The following THRB variants were observed in gnomAD, a reference collection of about 807,000 sequenced individuals.
THRB encodes the protein nuclear receptor subfamily 1 group A member 2.
THRB carries 12 observed loss-of-function variants against 47.8 expected under a neutral mutation model. That is an observed-to-expected ratio of 0.25 (90% CI 0.16 to 0.41). THRB has a LOEUF of 0.41. THRB is among the 10% of genes least tolerant of loss of function. The probability of loss-of-function intolerance (pLI) is 1.00; values close to 1 mark genes in which losing one functional copy is unlikely to be tolerated. For synonymous variants in THRB, 218 were observed against 212.2 expected (o/e 1.03, Z -0.24); for missense variants, 348 against 589.2 (o/e 0.59, Z 4.24).
intron 2 of THRB, among the ~76,000 whole-genome samples, chr3:24,328,839 T>C (rs1168287032): frequency 6.6e-6 from 1 of 152,228 alleles, no homozygotes; most frequent in East Asian, 1.9e-4. Flanking sequence ...TTGTTTACAA[T>C]TTTAAAATGG....
chr3:24,344,044 A>G (rs1204394533), intron 1 of THRB, among the ~76,000 whole-genome samples: 2 of 150,964 alleles, frequency 1.3e-5, no homozygotes, highest in Non-Finnish European at 3.0e-5. Flanking sequence ...TCATGAATCC[A>G]TTTAATGTTA....
intron 2 of THRB, among the ~76,000 whole-genome samples, chr3:24,320,934 T>A (rs80022202): frequency 6.6e-6 from 1 of 152,142 alleles, no homozygotes; most frequent in Non-Finnish European, 1.5e-5. Flanking sequence ...GCAAAGAAGA[T>A]GACAGAAAGA....
intron 1 of THRB, among the ~76,000 whole-genome samples, chr3:24,360,510 C>A (rs1458702907): frequency 4.6e-5 from 7 of 152,160 alleles, no homozygotes; most frequent in African/African-American, 1.7e-4. Flanking sequence ...AACATTCCTG[C>A]ACACTGGAAT....
At chr3:24,249,513 G>A (rs1358166465) in intron 3 of THRB, among the ~76,000 whole-genome samples, 1 of 152,004 alleles carries the variant, frequency 6.6e-6, no homozygotes, top group Non-Finnish European at 1.5e-5. Context: ...TTCTACTTTG[G>A]GACTGGATCA....
intron 2 of THRB, among the ~76,000 whole-genome samples, chr3:24,322,365 G>C (rs972869504): frequency 2.6e-5 from 4 of 152,090 alleles, no homozygotes; most frequent in African/African-American, 7.2e-5. Flanking sequence ...AAAGTTCCTG[G>C]GAAAAGTAGG....
At chr3:24,308,047 G>A (rs1378715312) in intron 2 of THRB, among the ~76,000 whole-genome samples, 1 of 152,168 alleles carries the variant, frequency 6.6e-6, no homozygotes, top group Non-Finnish European at 1.5e-5. Flanking sequence ...CAGGCTGTAA[G>A]TTGTCAGAAA....
At chr3:24,432,708 A>T (rs933703390) in intron 1 of THRB, among the ~76,000 whole-genome samples, 1 of 152,076 alleles carries the variant, frequency 6.6e-6, no homozygotes, top group Middle Eastern at 3.2e-3. Context: ...ATGCTGTGAA[A>T]TTTTTTTAAA....
In THRB at chr3:24,224,767, G is replaced by A. The variant is rs183502626; in HGVS notation, c.22+4171C>T. Among the ~76,000 whole-genome samples, 308 of 152,274 alleles carry A rather than the reference G, an allele frequency of 2.0e-3. 1 individual carries two copies. The highest frequency in any genetic ancestry group is 6.5e-3 in the African/African-American group (272 of 41,544). On this transcript the variant is annotated intron_variant, in intron 4 of 10. Transcript: ENST00000646209. The stretch of plus-strand genomic sequence containing the variant: ...TATGTATGCCTTACTTTATGAACAT[G>A]TGATTTATAAATATTCAAATTTGAG...
chr3:24,301,628 C>T lies in THRB; in HGVS notation c.-188-4257G>A, dbSNP rs539152622. On this transcript the variant is annotated intron_variant, in intron 2 of 10. Coordinates refer to ENST00000646209, the MANE Select transcript of THRB (RefSeq NM_001354712.2). Reference sequence around the variant, plus strand: ...ATTGATTATAAACATTTCCCTGACACTTGGGGTATAAAATTATTCTCCCAA... The same window carrying T: ...ATTGATTATAAACATTTCCCTGACATTTGGGGTATAAAATTATTCTCCCAA... Among the ~76,000 whole-genome samples the T allele has an allele frequency of 3.3e-5, 5 of 152,274 alleles. No homozygotes were observed. In the South Asian group the frequency reaches 1.0e-3, roughly 32 times the overall value.
In THRB at chr3:24,420,671, A is replaced by C. The variant is rs531417587; in HGVS notation, c.-261+73981T>G. Among the ~76,000 whole-genome samples, 11 of 152,078 alleles carry C rather than the reference A, an allele frequency of 7.2e-5. 1 individual carries two copies. The East Asian group carries it at 1.6e-3, about 22-fold the overall frequency. On this transcript the variant is annotated intron_variant, in intron 1 of 10. Coordinates refer to ENST00000646209, the MANE Select transcript of THRB (RefSeq NM_001354712.2). Reference sequence around the variant, plus strand: ...TGAGACACCATCTCACACCTGTCAGAATGGCTATTATTAAAAAGTCAAAAA... The same window carrying C: ...TGAGACACCATCTCACACCTGTCAGCATGGCTATTATTAAAAAGTCAAAAA...
At chr3:24,205,077 C>T (rs535997139) in intron 4 of THRB, among the ~76,000 whole-genome samples, 3 of 152,292 alleles carry the variant, frequency 2.0e-5, no homozygotes, top group African/African-American at 7.2e-5. Flanking sequence ...GGAAAACACT[C>T]TGCAGCATAT....
At chr3:24,177,491 G>A (rs906149342) in intron 5 of THRB, among the ~76,000 whole-genome samples, 2 of 152,086 alleles carry the variant, frequency 1.3e-5, no homozygotes, top group Non-Finnish European at 2.9e-5. Context: ...AAATTATGAC[G>A]AATTCACCAT....
intron 4 of THRB, among the ~76,000 whole-genome samples, chr3:24,215,530 G>C (rs762738578): frequency 1.3e-5 from 2 of 152,220 alleles, no homozygotes; most frequent in African/African-American, 2.4e-5. Context: ...AATAGGGTCA[G>C]AGGACTGAAA....
intron 4 of THRB, among the ~76,000 whole-genome samples, chr3:24,218,342 C>CTTT (rs869304743): frequency 2.6e-4 from 30 of 117,236 alleles, no homozygotes; most frequent in Admixed American, 3.6e-4. Flanking sequence ...CTCTCTCTCT[C>CTTT]TTTTTTTTTT....
chr3:24,175,056 T>C (rs552912455), intron 5 of THRB, among the ~76,000 whole-genome samples: 21 of 152,372 alleles, frequency 1.4e-4, no homozygotes, highest in Admixed American at 1.2e-3. Flanking sequence ...TCCTCTTTGA[T>C]GAGTCCAGAA....
intron 2 of THRB, among the ~76,000 whole-genome samples, chr3:24,317,123 G>A (rs2058170070): frequency 6.6e-6 from 1 of 152,198 alleles, no homozygotes; most frequent in Non-Finnish European, 1.5e-5. Context: ...AGTTTATCCT[G>A]TATATTTTAT....
chr3:24,480,802 T>C (rs1696241718), intron 1 of THRB, among the ~76,000 whole-genome samples: 1 of 152,162 alleles, frequency 6.6e-6, no homozygotes, highest in African/African-American at 2.4e-5. Flanking sequence ...CTCCATGTAA[T>C]GGAATTCTGA....
chr3:24,401,431 G>A (rs2067391720), intron 1 of THRB, among the ~76,000 whole-genome samples: 1 of 151,970 alleles, frequency 6.6e-6, no homozygotes, highest in Non-Finnish European at 1.5e-5. Flanking sequence ...CAAGAGCTTT[G>A]TCAAAACATG....
chr3:24,152,764 C>T (rs2037173714), intron 5 of THRB, among the ~76,000 whole-genome samples: 1 of 151,864 alleles, frequency 6.6e-6, no homozygotes, highest in South Asian at 2.1e-4. Context: ...AGTTCAAGAC[C>T]AGCCTGGCCA....
Sources: allele counts gnomAD v4.1 joint callset (sites outside exome capture counted in the v4.1 genomes callset), GRCh38; gene constraint gnomAD v4.1.1; transcripts MANE v1.5; gene names NCBI Gene and HGNC (gene_info 2026-07-23, HGNC 2026-07-21).